WBP2NL: variants seen among roughly 807,000 people sequenced by gnomAD.
WBP2NL encodes WBP2 N-terminal like.
Under a neutral mutation model 23.3 loss-of-function variants are expected in WBP2NL, and 27 were observed. The ratio of observed to expected loss-of-function variants is 1.16; its 90% CI spans 0.85 to 1.60. The LOEUF (loss-of-function observed/expected upper bound fraction) is 1.60, where lower values mean the gene tolerates loss of function less well. Among genes scored for constraint, WBP2NL ranks in the 40% most tolerant of loss-of-function variants. The pLI, the probability that WBP2NL is intolerant of heterozygous loss-of-function variation, is 0.00. For synonymous variants in WBP2NL, 151 were observed against 145.9 expected, an observed-to-expected ratio of 1.03 and a Z score of -0.25; for missense variants, 370 against 389.5, an observed-to-expected ratio of 0.95 and a Z score of 0.42.
At chr22:42,054,347 A>ATTT (rs774410235) in intron 8 of WBP2NL, among the ~76,000 whole-genome samples, 4 of 141,482 alleles carry the variant, frequency 2.8e-5, no homozygotes, top group Admixed American at 7.1e-5. Flanking sequence ...TGCCCAGGTA[A>ATTT]TTTTTTTTTT....
chr22:42,000,923 G>A (rs1438972587), intron 1 of WBP2NL: 1 of 321,552 alleles, frequency 3.1e-6, no homozygotes, highest in Non-Finnish European at 5.7e-6. Flanking sequence ...CCACCAAAAG[G>A]TGGAGGTTGC....
intron 8 of WBP2NL, among the ~76,000 whole-genome samples, chr22:42,053,412 T>C (rs930627252): frequency 5.3e-5 from 8 of 152,176 alleles, no homozygotes; most frequent in African/African-American, 1.9e-4. Flanking sequence ...CTACAGTGAC[T>C]GATGACTAAC....
At chr22:42,022,449 C>A in intron 5 of WBP2NL, 93 bp downstream of exon 5, 1 of 1,154,834 alleles carries the variant, frequency 8.7e-7, no homozygotes, top group Non-Finnish European at 1.2e-6. Context: ...CCTGCAGGAG[C>A]AGCAGCAGAG....
At chr22:42,045,848 A>G (rs1211344927) in intron 8 of WBP2NL, among the ~76,000 whole-genome samples, 1 of 152,244 alleles carries the variant, frequency 6.6e-6, no homozygotes, top group African/African-American at 2.4e-5. Context: ...ATTTTCAACT[A>G]TATTTACTTT....
intron 1 of WBP2NL, among the ~76,000 whole-genome samples, chr22:42,018,510 AAGAT>A (rs1923559802): frequency 6.6e-6 from 1 of 151,972 alleles, no homozygotes; most frequent in Non-Finnish European, 1.5e-5. Context: ...AAAAGAAAGA[AAGAT>A]AAAGTAAGAA....
chr22:42,050,042 C>G (rs1213391715), intron 8 of WBP2NL, among the ~76,000 whole-genome samples: 1 of 149,402 alleles, frequency 6.7e-6, no homozygotes, highest in Non-Finnish European at 1.5e-5. Context: ...TCTTTTATAT[C>G]TAAAATTTAC....
chr22:42,049,976 C>CAAA (rs34787117), intron 8 of WBP2NL, among the ~76,000 whole-genome samples: 9 of 84,410 alleles, frequency 1.1e-4, no homozygotes, highest in South Asian at 4.4e-4. Context: ...GACTCCGTCT[C>CAAA]AAAAAAAAAA....
chr22:42,039,313 T>C (rs1375825098), intron 8 of WBP2NL, among the ~76,000 whole-genome samples: 1 of 151,300 alleles, frequency 6.6e-6, no homozygotes, highest in Non-Finnish European at 1.5e-5. Flanking sequence ...TGACCTCAGG[T>C]GATCCACTCG....
chr22:42,052,452 G>T (rs898169766), intron 8 of WBP2NL, among the ~76,000 whole-genome samples: 1 of 151,928 alleles, frequency 6.6e-6, no homozygotes, highest in African/African-American at 2.4e-5. Flanking sequence ...CTAATTTTTT[G>T]TATTTTTAGT....
At chr22:42,033,842 A>T (rs1171181062), downstream of WBP2NL, among the ~76,000 whole-genome samples, 2 of 152,194 alleles carry the variant, frequency 1.3e-5, no homozygotes, top group African/African-American at 4.8e-5. Context: ...GAAGAAGTAC[A>T]TATCGATTGG....
At chr22:42,041,329 T>C (rs1925391741) in intron 8 of WBP2NL, among the ~76,000 whole-genome samples, 1 of 151,662 alleles carries the variant, frequency 6.6e-6, no homozygotes, top group South Asian at 2.1e-4. Flanking sequence ...TAAAAATATA[T>C]AAATTAGCTG....
At chr22:42,050,843 A>C (rs904856542) in intron 8 of WBP2NL, among the ~76,000 whole-genome samples, 4 of 152,342 alleles carry the variant, frequency 2.6e-5, no homozygotes, top group Admixed American at 6.5e-5. Context: ...AATGCTGACA[A>C]CACCAAATTC....
At chr22:42,019,541 T>C (rs1923683509) in intron 2 of WBP2NL, 121 bp from the exon 3 acceptor site, 2 of 1,528,138 alleles carry the variant, frequency 1.3e-6, no homozygotes, top group South Asian at 1.2e-5. Context: ...TTTTCCACAC[T>C]GAAGGGTGGT....
At chr22:42,036,230 A>G (rs1017380034), downstream of WBP2NL, among the ~76,000 whole-genome samples, 2 of 151,722 alleles carry the variant, frequency 1.3e-5, no homozygotes, top group African/African-American at 4.9e-5. Flanking sequence ...GTTGGAGTGC[A>G]GTGGCGTGAT....
Position 42,012,203 on chromosome 22 carries a change from C to T in WBP2NL, c.63-7108C>T, listed in dbSNP as rs538283326. ...TTTTTTTCTTATTTTTTTCTATTCTCGCTTTTATTTATCTCTGTTCTAATC... is the reference window on the plus strand; with the variant it reads ...TTTTTTTCTTATTTTTTTCTATTCTTGCTTTTATTTATCTCTGTTCTAATC... On this transcript the variant is annotated intron_variant, in intron 1 of 5. Coordinates refer to ENST00000328823, the MANE Select transcript of WBP2NL (RefSeq NM_152613.3). 9.9e-5 allele frequency among the ~76,000 whole-genome samples: 15 copies of T among 151,832 alleles called. No homozygotes were observed. In the South Asian group the frequency reaches 1.5e-3, roughly 15 times the overall value.
At chr22:42,003,017 C>G (rs1921855447) in intron 1 of WBP2NL, 1 of 152,454 alleles carries the variant, frequency 6.6e-6, no homozygotes, top group Non-Finnish European at 1.5e-5. Flanking sequence ...TATAGCCAGG[C>G]ATGGTGGCAC....
intron 1 of WBP2NL, among the ~76,000 whole-genome samples, chr22:42,000,509 G>GTCCCATCATCATCATCATC (rs1364425540): frequency 1.3e-5 from 2 of 152,010 alleles, no homozygotes; most frequent in Non-Finnish European, 2.9e-5. Context: ...ACATAATTGA[G>GTCCCATCATCATCATCATC]TCCCATCATC....
At chr22:42,043,356 A>G (rs894701280) in intron 8 of WBP2NL, among the ~76,000 whole-genome samples, 1 of 152,174 alleles carries the variant, frequency 6.6e-6, no homozygotes, top group Non-Finnish European at 1.5e-5. Flanking sequence ...AGGGACTGGA[A>G]CAAGTTGTTG....
downstream of WBP2NL, among the ~76,000 whole-genome samples, chr22:42,033,599 G>A (rs746138696): frequency 1.2e-4 from 18 of 152,106 alleles, no homozygotes; most frequent in Non-Finnish European, 2.1e-4. Flanking sequence ...ATAGCTCAGA[G>A]GAGGCCTTGG....
Sources: allele counts gnomAD v4.1 joint callset (sites outside exome capture counted in the v4.1 genomes callset), GRCh38; gene constraint gnomAD v4.1.1; transcripts MANE v1.5; gene names NCBI Gene and HGNC (gene_info 2026-07-23, HGNC 2026-07-21).